The following LRRC4C variants were observed in gnomAD, a reference collection of about 807,000 sequenced individuals.
The protein encoded by LRRC4C is leucine-rich repeat-containing protein 4C.
A neutral mutation model predicts 33.6 loss-of-function variants in LRRC4C; 5 were observed. That is an observed-to-expected ratio of 0.15 (90% CI 0.08 to 0.31). The LOEUF is 0.31. Ranked by LOEUF, LRRC4C falls within the 10% of genes least tolerant of loss-of-function variation. The probability of loss-of-function intolerance (pLI) is 1.00; values close to 1 mark genes in which losing one functional copy is unlikely to be tolerated. For missense variants in LRRC4C, 560 were observed against 796.7 expected (o/e 0.70, Z 3.58); for synonymous variants, 329 against 302.0 (o/e 1.09, Z -0.93).
intron 1 of LRRC4C, among the ~76,000 whole-genome samples, chr11:41,293,013 C>T (rs552921572): frequency 1.3e-5 from 2 of 151,986 alleles, no homozygotes; most frequent in East Asian, 1.9e-4. Flanking sequence ...GAATATCCAA[C>T]GATCTAAGAA....
chr11:40,115,804 G>T lies in LRRC4C; in HGVS notation c.489C>A (p.Ile163=). 1 of 1,614,088 alleles carries T rather than the reference G, an allele frequency of 6.2e-7. No individual in the cohort carries two copies. Among genetic ancestry groups the T allele is most frequent in the African/African-American group, 1.3e-5 (1 of 75,030 alleles). ...GAATTCTGTTAAAAGCATAAGAAGG[G>T]ATGCTTTCAATGGGGTTGTTTCGCA... ...LWLRNNPIES[I]PSYAFNRIPS... The change falls in exon 7 of 7, where the codon ATC becomes ATA. Residue 163 remains isoleucine (I), a synonymous_variant. Transcript: ENST00000528697. The surrounding 1 kb of genome is among the most constrained non-coding windows in gnomAD (Gnocchi z 6.7).
At chr11:40,488,652 GCCTC>G (rs1337975810) in intron 3 of LRRC4C, among the ~76,000 whole-genome samples, 1 of 151,948 alleles carries the variant, frequency 6.6e-6, no homozygotes, top group East Asian at 1.9e-4. Flanking sequence ...TCCGTGTGTT[GCCTC>G]CCTGTTTGGA....
At chr11:40,884,472 C>A (rs995383176) in intron 2 of LRRC4C, among the ~76,000 whole-genome samples, 2 of 151,962 alleles carry the variant, frequency 1.3e-5, no homozygotes, top group Admixed American at 6.6e-5. Context: ...GGTTCTAGAT[C>A]CTTGAGGAAT....
chr11:40,405,539 AG>A (rs1206493998), intron 3 of LRRC4C, among the ~76,000 whole-genome samples: 1 of 144,954 alleles, frequency 6.9e-6, no homozygotes, highest in Non-Finnish European at 1.5e-5. Context: ...CGGGAGGCTG[AG>A]GCAGGAGAAT....
At chr11:40,478,877 A>G (rs543822892) in intron 3 of LRRC4C, among the ~76,000 whole-genome samples, 4 of 152,334 alleles carry the variant, frequency 2.6e-5, no homozygotes, top group East Asian at 1.9e-4. Flanking sequence ...TTTTTGAAAT[A>G]CTAATAAAGC....
At chr11:41,413,962 G>T (rs1415492750) in intron 1 of LRRC4C, among the ~76,000 whole-genome samples, 2 of 152,118 alleles carry the variant, frequency 1.3e-5, no homozygotes. Flanking sequence ...CATGCTTAGG[G>T]CTTACTTTCA....
chr11:40,189,473 C>T (rs144302812), intron 5 of LRRC4C, among the ~76,000 whole-genome samples: 6 of 152,234 alleles, frequency 3.9e-5, no homozygotes, highest in African/African-American at 1.4e-4. Context: ...CCGTGGGCCT[C>T]AGTTTCTTCA....
rs557922340 is a variant in LRRC4C, at chr11:40,848,172, T to C, written c.-407+85463A>G. 9.2e-5 allele frequency among the ~76,000 whole-genome samples: 14 copies of C among 152,214 alleles called. No homozygotes were observed. In the East Asian group the frequency reaches 2.5e-3, roughly 27 times the overall value. ...TTCAATTCTGCTCTGATCTTAGTTA[T>C]TTCTTGTCTTCTGCTAGGTTTTGAA... On this transcript the variant is annotated intron_variant, in intron 2 of 6. Coordinates refer to ENST00000528697, the MANE Select transcript of LRRC4C (RefSeq NM_001258419.2).
chr11:40,935,446 T>A (rs1957828458), intron 1 of LRRC4C, among the ~76,000 whole-genome samples: 1 of 152,184 alleles, frequency 6.6e-6, no homozygotes. Context: ...ACCACTTATA[T>A]GACGGTGGTC....
At chr11:40,425,348 G>T (rs1465318072) in intron 3 of LRRC4C, among the ~76,000 whole-genome samples, 1 of 152,166 alleles carries the variant, frequency 6.6e-6, no homozygotes, top group Non-Finnish European at 1.5e-5. Flanking sequence ...AGGGGGATAT[G>T]CACACTCTTG....
At chr11:40,764,589 A>C (rs971179406) in intron 2 of LRRC4C, among the ~76,000 whole-genome samples, 2 of 152,012 alleles carry the variant, frequency 1.3e-5, no homozygotes, top group African/African-American at 4.8e-5. Flanking sequence ...CCACTTACTG[A>C]CTGTAGAGCC....
chr11:40,531,075 T>C (rs1956252493), intron 3 of LRRC4C, among the ~76,000 whole-genome samples: 1 of 152,136 alleles, frequency 6.6e-6, no homozygotes, highest in Non-Finnish European at 1.5e-5. Context: ...AGTGGGTGAC[T>C]TTAATGTGTG....
chr11:40,137,560 G>A (rs1590482932), intron 6 of LRRC4C, among the ~76,000 whole-genome samples: 1 of 152,024 alleles, frequency 6.6e-6, no homozygotes, highest in South Asian at 2.1e-4. Context: ...GACCAAAAGT[G>A]TCTTCCTCTC....
intron 2 of LRRC4C, among the ~76,000 whole-genome samples, chr11:40,733,422 A>G (rs1468395480): frequency 6.6e-6 from 1 of 152,116 alleles, no homozygotes; most frequent in Non-Finnish European, 1.5e-5. Context: ...ATCTTTATAC[A>G]ATCCTCAGAA....
At chr11:40,373,787 C>A (rs1213990411) in intron 3 of LRRC4C, among the ~76,000 whole-genome samples, 1 of 152,166 alleles carries the variant, frequency 6.6e-6, no homozygotes, top group Non-Finnish European at 1.5e-5. Context: ...CTTCCTCTCT[C>A]ACAATGTGAC....
chr11:41,279,383 CA>C (rs1949587169), intron 1 of LRRC4C, among the ~76,000 whole-genome samples: 1 of 34,714 alleles, frequency 2.9e-5, no homozygotes, highest in African/African-American at 4.6e-4. Flanking sequence ...CACACACAAA[CA>C]CACACACACA....
chr11:40,670,899 G>C (rs563645059), intron 2 of LRRC4C, among the ~76,000 whole-genome samples: 6 of 152,132 alleles, frequency 3.9e-5, no homozygotes, highest in Admixed American at 3.9e-4. Context: ...GAGTGGCTGG[G>C]ACTATAGGTG....
rs561789749 is a variant in LRRC4C at position 41,307,488 on chromosome 11, G to C, written c.-496+151943C>G. 2.0e-3 allele frequency among the ~76,000 whole-genome samples: 303 copies of C among 152,336 alleles called. 2 individuals are homozygous for C. The highest frequency in any genetic ancestry group is 3.6e-3 in the Non-Finnish European group (244 of 68,024). ...AGCTTTTCATGAGATTTTCTGTCAA[G>C]ACTTCTAAGTAGTCAGCCAATGAAT... On this transcript the variant is annotated intron_variant, in intron 1 of 6. Transcript: ENST00000528697.
At chr11:41,009,858 A>G (rs940835781) in intron 1 of LRRC4C, among the ~76,000 whole-genome samples, 2 of 152,136 alleles carry the variant, frequency 1.3e-5, no homozygotes, top group African/African-American at 4.8e-5. Flanking sequence ...GGACTTCAAA[A>G]TGTGAATTTG....
Sources: gnomAD v4.1 joint callset for allele counts (sites outside exome capture counted in the v4.1 genomes callset) on GRCh38, gnomAD v4.1.1 for gene constraint, Gnocchi (gnomAD v3.1) non-coding constraint, MANE v1.5 for transcripts, NCBI Gene and HGNC (gene_info 2026-07-23, HGNC 2026-07-21) for gene names.